The following ATG5 variants were observed in gnomAD, a reference collection of about 807,000 sequenced individuals.
ATG5 encodes the protein autophagy protein 5.
In ATG5, 14 loss-of-function variants were observed where a neutral mutation model predicts 36.5. The ratio of observed to expected loss-of-function variants is 0.38; its 90% CI spans 0.25 to 0.60. The LOEUF (loss-of-function observed/expected upper bound fraction) is 0.60, where lower values mean the gene tolerates loss of function less well. ATG5 is among the 20% of genes least tolerant of loss of function. The pLI is 0.60. For synonymous variants in ATG5, 95 were observed against 101.5 expected (o/e 0.94, Z 0.38); for missense variants, 195 against 326.7 (o/e 0.60, Z 3.11).
chr6:106,197,429 A>G (rs569398545), intron 7 of ATG5, among the ~76,000 whole-genome samples: 1 of 137,098 alleles, frequency 7.3e-6, no homozygotes, highest in East Asian at 2.2e-4. Context: ...TGATAAAATC[A>G]TTTGTTATAG....
intron 5 of ATG5, among the ~76,000 whole-genome samples, chr6:106,263,625 G>C (rs547731921): frequency 6.6e-6 from 1 of 152,142 alleles, no homozygotes; most frequent in Non-Finnish European, 1.5e-5. Context: ...GCATCAGGCC[G>C]GTGCCCCTCT....
chr6:106,212,171 GAAGTGAAA>G (rs1776876411), intron 6 of ATG5, among the ~76,000 whole-genome samples: 1 of 152,184 alleles, frequency 6.6e-6, no homozygotes, highest in Non-Finnish European at 1.5e-5. Context: ...GAAATATCAA[GAAGTGAAA>G]AAGACTGCTC....
intron 1 of ATG5, among the ~76,000 whole-genome samples, chr6:106,318,463 A>G (rs1442079273): frequency 6.6e-6 from 1 of 152,230 alleles, no homozygotes; most frequent in African/African-American, 2.4e-5. Context: ...TAGAAGGCAG[A>G]ACACCTCAAG....
intron 7 of ATG5, among the ~76,000 whole-genome samples, chr6:106,191,275 A>T (rs1775958010): frequency 6.6e-6 from 1 of 152,162 alleles, no homozygotes; most frequent in African/African-American, 2.4e-5. Context: ...TTTTATGTAG[A>T]AACCCAATAT....
intron 3 of ATG5, among the ~76,000 whole-genome samples, chr6:106,301,645 C>T: frequency 6.6e-6 from 1 of 151,988 alleles, no homozygotes; most frequent in East Asian, 1.9e-4. Context: ...AAATCTGAAC[C>T]TTTTTTAACA....
intron 5 of ATG5, among the ~76,000 whole-genome samples, chr6:106,255,705 A>C (rs1778774342): frequency 1.3e-5 from 2 of 152,198 alleles, no homozygotes; most frequent in South Asian, 4.1e-4. Flanking sequence ...TAATGTAAAA[A>C]ACAAATTATT....
chr6:106,192,860 G>T (rs1379056676), intron 7 of ATG5, among the ~76,000 whole-genome samples: 1 of 152,128 alleles, frequency 6.6e-6, no homozygotes, highest in Admixed American at 6.5e-5. Context: ...TTTAACCTCT[G>T]ATATGTTCAT....
intron 5 of ATG5, chr6:106,271,778 A>G (rs1436467764): frequency 1.3e-5 from 2 of 148,788 alleles, no homozygotes; most frequent in Non-Finnish European, 3.0e-5. Flanking sequence ...TTTTTGCTAC[A>G]CAGAATGCTT....
intron 6 of ATG5, among the ~76,000 whole-genome samples, chr6:106,225,807 T>C (rs1348475138): frequency 2.0e-5 from 3 of 152,184 alleles, no homozygotes; most frequent in African/African-American, 7.2e-5. Context: ...CCAGGAGAGT[T>C]TGTGGAAAAT....
At chr6:106,265,033 A>G (rs1779173714) in intron 5 of ATG5, among the ~76,000 whole-genome samples, 1 of 152,202 alleles carries the variant, frequency 6.6e-6, no homozygotes, top group South Asian at 2.1e-4. Context: ...TCCAATTAAA[A>G]GACACAGACT....
chr6:106,296,572 C>T (rs111879377), intron 3 of ATG5, among the ~76,000 whole-genome samples: 2,733 of 152,246 alleles, frequency 0.018, 47 homozygotes, highest in Non-Finnish European at 0.028. Flanking sequence ...AATCCCAGCA[C>T]TTTGGGAGGC....
chr6:106,201,497 C>T (rs1776429014), intron 7 of ATG5, among the ~76,000 whole-genome samples: 1 of 151,924 alleles, frequency 6.6e-6, no homozygotes, highest in Admixed American at 6.6e-5. Flanking sequence ...AGTTTTTGAA[C>T]GAACTTGTAG....
At chr6:106,187,648 C>A (rs1272326515) in intron 7 of ATG5, among the ~76,000 whole-genome samples, 1 of 152,132 alleles carries the variant, frequency 6.6e-6, no homozygotes, top group South Asian at 2.1e-4. Context: ...GGGAATCAAG[C>A]AACTCTATAA....
chr6:106,298,509 C>T (rs1450536802), intron 3 of ATG5, among the ~76,000 whole-genome samples: 6 of 151,784 alleles, frequency 4.0e-5, no homozygotes, highest in Admixed American at 2.6e-4. Flanking sequence ...CAAGATAGTG[C>T]GACTGCACTC....
intron 6 of ATG5, among the ~76,000 whole-genome samples, chr6:106,235,909 G>C (rs995446015): frequency 1.3e-5 from 2 of 152,092 alleles, no homozygotes; most frequent in African/African-American, 4.8e-5. Context: ...ACAGTTTCAA[G>C]AGGACCCCTT....
At chr6:106,211,481 C>T (rs1460748329) in intron 6 of ATG5, among the ~76,000 whole-genome samples, 2 of 152,136 alleles carry the variant, frequency 1.3e-5, no homozygotes, top group Admixed American at 6.5e-5. Flanking sequence ...GAGGCTGAGG[C>T]GGGTGGATCA....
At chr6:106,228,904 A>G (rs1015694213) in intron 6 of ATG5, among the ~76,000 whole-genome samples, 13 of 152,014 alleles carry the variant, frequency 8.6e-5, no homozygotes, top group Admixed American at 2.6e-4. Context: ...TCCACTTTCA[A>G]TTTTCCTGGG....
chr6:106,301,318 A>G (rs940187630), intron 3 of ATG5, among the ~76,000 whole-genome samples: 3 of 152,130 alleles, frequency 2.0e-5, no homozygotes, highest in Non-Finnish European at 4.4e-5. Flanking sequence ...AGTATTCATT[A>G]TAAGTATACC....
chr6:106,205,001 G>T (rs556872309), intron 6 of ATG5, among the ~76,000 whole-genome samples: 25 of 152,196 alleles, frequency 1.6e-4, no homozygotes, highest in Non-Finnish European at 2.9e-4. Context: ...ATAGGGAACT[G>T]TAGTGATAAT....
Sources: allele counts gnomAD v4.1 joint callset (sites outside exome capture counted in the v4.1 genomes callset), GRCh38; gene constraint gnomAD v4.1.1; transcripts MANE v1.5; gene names NCBI Gene and HGNC (gene_info 2026-07-23, HGNC 2026-07-21).